Variants in QSOX2 observed in about 807,000 individuals in gnomAD.
QSOX2 encodes sulfhydryl oxidase 2.
In QSOX2, 46 loss-of-function variants were observed where a neutral mutation model predicts 61.7. The ratio of observed to expected loss-of-function variants is 0.75; its 90% confidence interval spans 0.59 to 0.95. The LOEUF is 0.95. Among genes scored for constraint, QSOX2 ranks in the 40% least tolerant of loss-of-function variants. QSOX2 has a pLI of 0.00. For missense variants in QSOX2, 879 were observed against 918.9 expected, an observed-to-expected ratio of 0.96 and a Z score of 0.56; for synonymous variants, 383 against 388.4, an observed-to-expected ratio of 0.99 and a Z score of 0.16.
Position 136,225,699 on chromosome 9 carries a change from G to A in QSOX2, c.430-790C>T, listed in dbSNP as rs529687479. 5.3e-5 allele frequency among the ~76,000 whole-genome samples: 8 copies of A among 152,354 alleles called. No individual in the cohort carries two copies. The East Asian group carries it at 1.2e-3, about 22-fold the overall frequency. ...CTTGCCCGGGAAGGCGCACAGCAGCGCCGTTCAAAGCCACCAAAGCCTGGA... is the reference window on the plus strand; with the variant it reads ...CTTGCCCGGGAAGGCGCACAGCAGCACCGTTCAAAGCCACCAAAGCCTGGA... On this transcript the variant is annotated intron_variant, in intron 2 of 11. Transcript: ENST00000358701.
intron 11 of QSOX2, chr9:136,210,834 T>A: frequency 1.6e-5 from 15 of 944,478 alleles, no homozygotes; most frequent in Non-Finnish European, 1.9e-5. Context: ...TATTTAATTA[T>A]TTTTTTTTAA....
chr9:136,237,166 TCACCTGGTGCCCGTCCTGTGCCA>T (rs1326140399), intron 1 of QSOX2, among the ~76,000 whole-genome samples: 2 of 128,630 alleles, frequency 1.6e-5, no homozygotes, highest in African/African-American at 3.0e-5. Context: ...TGGGCCTGCA[TCACCTGGTGCCCGTCCTGTGCCA>T]CACCTGGAGC....
intron 8 of QSOX2, among the ~76,000 whole-genome samples, chr9:136,217,717 C>T (rs753658879): frequency 2.0e-5 from 3 of 152,226 alleles, no homozygotes; most frequent in Non-Finnish European, 4.4e-5. Flanking sequence ...GACAGCTGTG[C>T]GACTCCAGCG....
At chr9:136,216,892 G>A (rs541649516) in intron 8 of QSOX2, among the ~76,000 whole-genome samples, 170 bp from the exon 9 acceptor site, 4 of 152,328 alleles carry the variant, frequency 2.6e-5, no homozygotes, top group Admixed American at 1.3e-4. Context: ...AAACCCAAGG[G>A]GCCATGGGGT....
chr9:136,237,848 G>A (rs1441275292), intron 1 of QSOX2, among the ~76,000 whole-genome samples: 1 of 152,264 alleles, frequency 6.6e-6, no homozygotes, highest in African/African-American at 2.4e-5. Flanking sequence ...TCACACAAAC[G>A]CAGAGTGAAC....
In QSOX2 at chr9:136,221,679, C is replaced by T. The variant is rs143675692; in HGVS notation, c.821+117G>A. 28 of 1,127,712 alleles carry T rather than the reference C, an allele frequency of 2.5e-5. No individual in the cohort carries two copies. The highest frequency in any genetic ancestry group is 2.0e-4 in the Admixed American group (7 of 35,020). The allele number at this position is 1,127,712 out of a possible 1,614,324, so 69.9% of individuals were successfully genotyped here. On this transcript the variant is annotated intron_variant, in intron 6 of 11. Coordinates refer to ENST00000358701, the MANE Select transcript of QSOX2 (RefSeq NM_181701.4). This position sits in a 1 kb window ranked among gnomAD's most constrained non-coding sequence, Gnocchi z 4.5. ...CAGGGCCCAAATCTGCCCAGGGAAGCGAGGCGGAGGGGCCAGGGCTCCCCC... is the reference window on the plus strand; with the variant it reads ...CAGGGCCCAAATCTGCCCAGGGAAGTGAGGCGGAGGGGCCAGGGCTCCCCC...
rs144728279 is a variant in QSOX2, at chr9:136,215,183, G to A, written c.1331C>T (p.Ser444Leu). The A allele has an allele frequency of 9.2e-5, 149 of 1,613,916 alleles. 1 individual carries two copies. The highest frequency in any genetic ancestry group is 1.6e-4 in the African/African-American group (12 of 74,926). ...GCCAACCAGTGCATCTGGGTGGGTC[G>A]AGGCTTCAACAGTCAAAGTGTGGAA... Reference protein sequence around the residue: ...KLFHTLTVEASTHPDALVGTG... With the variant: ...KLFHTLTVEALTHPDALVGTG... Residue 444 changes from serine to leucine, a missense_variant, in exon 10 of 12, where the codon TCG (serine) becomes TTG (leucine). Transcript: ENST00000358701.
Position 136,228,616 on chromosome 9 carries a change from G to A in QSOX2, c.329-1742C>T, listed in dbSNP as rs999439281. Among the ~76,000 whole-genome samples the A allele has an allele frequency of 4.6e-5, 7 of 152,306 alleles. No individual in the cohort carries two copies. The South Asian group carries it at 6.2e-4, about 14-fold the overall frequency. On this transcript the variant is annotated intron_variant, in intron 1 of 11. Coordinates refer to ENST00000358701, the MANE Select transcript of QSOX2 (RefSeq NM_181701.4). The stretch of plus-strand genomic sequence containing the variant: ...GGAGCCTGGAGGCCTCAGCAGAGTC[G>A]GCAGTGTGGCAGGGCACGCCGCACC...
intron 1 of QSOX2, among the ~76,000 whole-genome samples, chr9:136,230,049 G>A (rs984672343): frequency 2.0e-5 from 3 of 152,280 alleles, no homozygotes; most frequent in African/African-American, 7.2e-5. Flanking sequence ...GGGAGGTCAA[G>A]GCAGGCAGAT....
At chr9:136,210,833 A>T (rs1831835125) in intron 11 of QSOX2, 15 of 975,682 alleles carry the variant, frequency 1.5e-5, no homozygotes, top group Non-Finnish European at 1.8e-5. Context: ...CTATTTAATT[A>T]TTTTTTTTTA....
Position 136,221,813 on chromosome 9 carries a change from C to A in QSOX2, c.804G>T (p.Ser268=), listed in dbSNP as rs143919036. The A allele has an allele frequency of 3.1e-6, 5 of 1,606,756 alleles. No homozygotes were observed. Among genetic ancestry groups the A allele is most frequent in the East Asian group, 4.5e-5 (2 of 44,676 alleles). The change falls in exon 6 of 12, where the codon TCG becomes TCT. Residue 268 remains serine, a synonymous_variant. Transcript: ENST00000358701. This position sits in a 1 kb window ranked among gnomAD's most constrained non-coding sequence, Gnocchi z 4.5. ...GCACTCACACGTTAATCAATCCATGCGACCCATTTGGGTAGATCAGGTAAC... is the reference window on the plus strand; with the variant it reads ...GCACTCACACGTTAATCAATCCATGAGACCCATTTGGGTAGATCAGGTAAC... ...PSCYLIYPNG[S]HGLINVVKPL... is the part of the protein sequence containing the mutation.
rs1437420004 is a variant in QSOX2, at chr9:136,221,237, C to T, written c.821+559G>A. 6.6e-6 allele frequency among the ~76,000 whole-genome samples: 1 copy of T among 151,220 alleles called. No homozygotes were observed. The highest frequency in any genetic ancestry group is 1.5e-5 in the Non-Finnish European group (1 of 67,842). ...CCTCATGAGGGGCACACAGGCACCC[C>T]ACGCAGGGGCGAAGGGCTTATCCTC... is the stretch of plus-strand genomic sequence containing the variant. On this transcript the variant is annotated intron_variant, in intron 6 of 11. Coordinates refer to ENST00000358701, the MANE Select transcript of QSOX2 (RefSeq NM_181701.4). The surrounding 1 kb of genome is among the most constrained non-coding windows in gnomAD (Gnocchi z 4.5).
At chr9:136,236,723 TCGTCCTGGGTCTGCGTCACCTGGAGCC>T (rs1490084653) in intron 1 of QSOX2, among the ~76,000 whole-genome samples, 2 of 150,190 alleles carry the variant, frequency 1.3e-5, no homozygotes, top group African/African-American at 2.4e-5. Flanking sequence ...CACGTGGAGC[TCGTCCTGGGTCTGCGTCACCTGGAGCC>T]CGTCCTGGGC....
intron 8 of QSOX2, 51 bp from the exon 9 acceptor site, chr9:136,216,773 C>T (rs763898505): frequency 1.2e-6 from 2 of 1,604,296 alleles, no homozygotes; most frequent in Non-Finnish European, 8.5e-7. Context: ...CCCGGGCCCG[C>T]CCCCACCGCG....
In QSOX2 at chr9:136,209,523, G is replaced by T; in HGVS notation, c.1550-248C>A. The T allele has an allele frequency of 1.0e-6, 1 of 985,362 alleles. No individual in the cohort carries two copies. The highest frequency in any genetic ancestry group is 1.2e-6 in the Non-Finnish European group (1 of 829,902). The allele number at this position is 985,362 out of a possible 1,614,324, so 61.0% of individuals were successfully genotyped here. On this transcript the variant is annotated intron_variant, in intron 11 of 11. Transcript: ENST00000358701. This position sits in a 1 kb window ranked among gnomAD's most constrained non-coding sequence, Gnocchi z 5.6. ...GCCGGTTCCCATAGCCTGCAAGTGA[G>T]GAGACGCTACACGCTCGGCCTCCGC...
chr9:136,240,985 C>T (rs889528303), intron 1 of QSOX2, among the ~76,000 whole-genome samples: 1 of 152,156 alleles, frequency 6.6e-6, no homozygotes, highest in Non-Finnish European at 1.5e-5. Context: ...CATGACACAG[C>T]GGAGACGGCT....
intron 1 of QSOX2, among the ~76,000 whole-genome samples, chr9:136,235,691 C>T (rs1231414601): frequency 6.6e-6 from 1 of 152,200 alleles, no homozygotes; most frequent in Non-Finnish European, 1.5e-5. Context: ...AGCCAGAGCC[C>T]TGAAGACCAC....
intron 1 of QSOX2, among the ~76,000 whole-genome samples, chr9:136,229,762 A>C (rs1830313824): frequency 6.6e-6 from 1 of 152,236 alleles, no homozygotes; most frequent in African/African-American, 2.4e-5. Flanking sequence ...CTACACAAAC[A>C]AACACACAGC....
At chr9:136,237,301 T>A (rs1165099265) in intron 1 of QSOX2, among the ~76,000 whole-genome samples, 5 of 102,834 alleles carry the variant, frequency 4.9e-5, no homozygotes, top group African/African-American at 7.6e-5. Flanking sequence ...CATCACCTGG[T>A]GCCCGTCCTG....
Sources: allele counts gnomAD v4.1 joint callset (sites outside exome capture counted in the v4.1 genomes callset), GRCh38; gene constraint gnomAD v4.1.1; non-coding constraint Gnocchi (gnomAD v3.1); transcripts MANE v1.5; gene names NCBI Gene and HGNC (gene_info 2026-07-23, HGNC 2026-07-21).